Variants in ANKS1B observed in about 807,000 individuals in gnomAD.
ANKS1B encodes the protein ankyrin repeat and sterile alpha motif domain-containing protein 1B.
In ANKS1B, 36 loss-of-function variants were observed where a neutral mutation model predicts 148.3. That is an observed-to-expected ratio of 0.24 (90% CI 0.19 to 0.32). The LOEUF (loss-of-function observed/expected upper bound fraction) is 0.32, where lower values mean the gene tolerates loss of function less well. Among genes scored for constraint, ANKS1B ranks in the 10% least tolerant of loss-of-function variants. The pLI is 1.00. For synonymous variants in ANKS1B, 542 were observed against 560.8 expected, an observed-to-expected ratio of 0.97 and a Z score of 0.47; for missense variants, 1,157 against 1,542.6, an observed-to-expected ratio of 0.75 and a Z score of 4.19.
At chr12:99,240,387 A>G (rs951244086) in intron 14 of ANKS1B, among the ~76,000 whole-genome samples, 2 of 152,252 alleles carry the variant, frequency 1.3e-5, no homozygotes, top group East Asian at 3.8e-4. Context: ...TAGGCACCCA[A>G]TACAGGAGTA....
At chr12:99,925,298 C>T (rs1278526706) in intron 1 of ANKS1B, among the ~76,000 whole-genome samples, 3 of 152,136 alleles carry the variant, frequency 2.0e-5, no homozygotes, top group Admixed American at 6.5e-5. Flanking sequence ...GTTTAATAGC[C>T]TTTGGCCAGA....
intron 17 of ANKS1B, among the ~76,000 whole-genome samples, chr12:98,960,562 C>T (rs879320472): frequency 6.6e-6 from 1 of 152,092 alleles, no homozygotes; most frequent in Non-Finnish European, 1.5e-5. Flanking sequence ...ACTTAGAAGA[C>T]TACAATAAAT....
chr12:99,803,463 A>G lies in ANKS1B; in HGVS notation c.669+2941T>C, dbSNP rs575780179. ...CCTAGAATTCTTAGAATGAGTGTCA[A>G]TAGAAGAGGTTATAGCAACACAGAA... On this transcript the variant is annotated intron_variant, in intron 4 of 26. Coordinates refer to ENST00000683438, the MANE Select transcript of ANKS1B (RefSeq NM_001352186.2). Among the ~76,000 whole-genome samples the G allele has an allele frequency of 5.3e-5, 8 of 152,242 alleles. No homozygotes were observed. In the East Asian group the frequency reaches 1.4e-3, roughly 26 times the overall value.
intron 17 of ANKS1B, among the ~76,000 whole-genome samples, chr12:98,874,648 A>G (rs878980148): frequency 6.6e-6 from 1 of 152,216 alleles, no homozygotes; most frequent in Admixed American, 6.5e-5. Context: ...GATTTATTGG[A>G]CAAAAAGACT....
intron 25 of ANKS1B, among the ~76,000 whole-genome samples, chr12:98,765,999 T>C (rs2098475827): frequency 6.6e-6 from 1 of 152,232 alleles, no homozygotes; most frequent in African/African-American, 2.4e-5. Context: ...GACTGCCAGT[T>C]ATTTAGAAGT....
intron 17 of ANKS1B, among the ~76,000 whole-genome samples, chr12:98,931,146 T>A (rs1180778476): frequency 6.6e-6 from 1 of 152,166 alleles, no homozygotes; most frequent in Non-Finnish European, 1.5e-5. Flanking sequence ...ATTCTGTCCA[T>A]CATGGACACT....
intron 17 of ANKS1B, among the ~76,000 whole-genome samples, chr12:98,910,867 A>G (rs1431765405): frequency 1.3e-5 from 2 of 152,158 alleles, no homozygotes; most frequent in Non-Finnish European, 2.9e-5. Flanking sequence ...CAGTGCCAAT[A>G]TATGATCTAG....
intron 1 of ANKS1B, among the ~76,000 whole-genome samples, chr12:99,929,442 T>C (rs559236687): frequency 8.3e-4 from 127 of 152,330 alleles, no homozygotes; most frequent in Middle Eastern, 3.4e-3. Context: ...TCCCATTCTG[T>C]AGGTTGCCTG....
At chr12:99,512,042 C>T (rs143787865) in intron 9 of ANKS1B, among the ~76,000 whole-genome samples, 3 of 152,002 alleles carry the variant, frequency 2.0e-5, no homozygotes, top group African/African-American at 4.8e-5. Flanking sequence ...GTGATTGCAA[C>T]AAAAACAAAA....
intron 8 of ANKS1B, among the ~76,000 whole-genome samples, chr12:99,710,542 T>C (rs2056486294): frequency 6.6e-6 from 1 of 152,142 alleles, no homozygotes; most frequent in African/African-American, 2.4e-5. Flanking sequence ...AGGTAAGACA[T>C]GTCATGAAAC....
chr12:99,854,234 G>A (rs61940313), intron 1 of ANKS1B, among the ~76,000 whole-genome samples: 8,703 of 152,168 alleles, frequency 0.057, 355 homozygotes, highest in Admixed American at 0.1. Context: ...GGATGGCCTC[G>A]ATCTCCTGAC....
At chr12:99,192,106 T>A (rs2153883938) in intron 14 of ANKS1B, among the ~76,000 whole-genome samples, 1 of 117,530 alleles carries the variant, frequency 8.5e-6, no homozygotes, top group South Asian at 2.7e-4. Flanking sequence ...CACTCCAGCC[T>A]GAGTGACAGA....
intron 12 of ANKS1B, among the ~76,000 whole-genome samples, chr12:99,286,634 G>A (rs1404541401): frequency 1.3e-5 from 2 of 152,122 alleles, no homozygotes; most frequent in Non-Finnish European, 2.9e-5. Flanking sequence ...TTGGTTCTTA[G>A]ATGGCATTTC....
In ANKS1B at chr12:99,259,860, G is replaced by C. The variant is rs181385706; in HGVS notation, c.1757-12996C>G. Among the ~76,000 whole-genome samples, 548 of 152,240 alleles carry C rather than the reference G, an allele frequency of 3.6e-3. 14 individuals carry two copies. The highest frequency in any genetic ancestry group is 0.027 in the Admixed American group (412 of 15,300). On this transcript the variant is annotated intron_variant, in intron 12 of 26. Coordinates refer to ENST00000683438, the MANE Select transcript of ANKS1B (RefSeq NM_001352186.2). ...CAGGGGCAGTTTCTCAGCTATCTCT[G>C]CCTCCCTAGGGAGTTAAGGATTTCA...
intron 17 of ANKS1B, among the ~76,000 whole-genome samples, chr12:98,854,668 C>A (rs2099552523): frequency 6.6e-6 from 1 of 152,132 alleles, no homozygotes; most frequent in Non-Finnish European, 1.5e-5. Flanking sequence ...TCTTACACAC[C>A]TTTTAGGTGC....
chr12:99,741,561 G>A (rs759460614), intron 8 of ANKS1B, among the ~76,000 whole-genome samples: 4 of 152,072 alleles, frequency 2.6e-5, no homozygotes, highest in South Asian at 2.1e-4. Flanking sequence ...AATACTATGC[G>A]GCCATAAAAA....
chr12:99,926,273 G>A (rs777107426), intron 1 of ANKS1B, among the ~76,000 whole-genome samples: 68 of 152,206 alleles, frequency 4.5e-4, no homozygotes, highest in Non-Finnish European at 8.4e-4. Flanking sequence ...ACCACCTTGC[G>A]AAGGTTAATT....
At chr12:99,267,832 G>A (rs988009571) in intron 12 of ANKS1B, among the ~76,000 whole-genome samples, 1 of 152,166 alleles carries the variant, frequency 6.6e-6, no homozygotes, top group Non-Finnish European at 1.5e-5. Context: ...TGCATTCCAA[G>A]CACAGGAAGC....
chr12:99,113,443 G>A (rs1329761503), intron 15 of ANKS1B, among the ~76,000 whole-genome samples: 1 of 152,192 alleles, frequency 6.6e-6, no homozygotes, highest in Non-Finnish European at 1.5e-5. Context: ...AGTTGTCAAA[G>A]AGGATGAAAA....
Sources: allele counts gnomAD v4.1 joint callset (sites outside exome capture counted in the v4.1 genomes callset), GRCh38; gene constraint gnomAD v4.1.1; transcripts MANE v1.5; gene names NCBI Gene and HGNC (gene_info 2026-07-23, HGNC 2026-07-21).